The following ZNF516 variants were observed in gnomAD, a reference collection of about 807,000 sequenced individuals.
The protein encoded by ZNF516 is zinc finger protein 516.
Under a neutral mutation model 79.7 loss-of-function variants are expected in ZNF516, and 19 were observed. That is an observed-to-expected ratio of 0.24 (90% CI 0.17 to 0.35). The LOEUF is 0.35. Ranked by LOEUF, ZNF516 falls within the 10% of genes least tolerant of loss-of-function variation. ZNF516 has a pLI of 1.00. For synonymous variants in ZNF516, 877 were observed against 739.5 expected (o/e 1.19, Z -3.02); for missense variants, 1,678 against 1,679.5 (o/e 1.00, Z 0.02).
At chr18:76,429,010 G>A (rs978642972) in intron 3 of ZNF516, among the ~76,000 whole-genome samples, 2 of 152,256 alleles carry the variant, frequency 1.3e-5, no homozygotes, top group Non-Finnish European at 2.9e-5. Context: ...GCAGGGCAGG[G>A]AGGTCAGCAC....
Position 76,442,580 on chromosome 18 carries a change from C to G in ZNF516, c.475G>C (p.Gly159Arg), listed in dbSNP as rs572758212. 60 of 1,598,410 alleles carry G rather than the reference C, an allele frequency of 3.8e-5. No homozygotes were observed. Among genetic ancestry groups the G allele is most frequent in the South Asian group, 2.1e-4 (19 of 91,032 alleles). The change falls in exon 3 of 7, where the codon GGG (glycine) becomes CGG (arginine). Residue 159 changes from glycine to arginine, a missense_variant. By Grantham distance (125) the Gly-to-Arg change is moderately radical. Around this residue, in one of 5 missense-constraint regions of ZNF516, gnomAD observed 279 missense variants for 254.1 expected, o/e 1.10. Transcript: ENST00000443185. ...GRVLLRSSKK[G>R]AEGSACAPGE... ...GGGGCGCATGCGGACCCCTCTGCCC[C>G]CTTCTTGCTGCTCCGCAGCAGGACT...
In ZNF516 at chr18:76,467,042, C is replaced by T. The variant is rs968272439; in HGVS notation, c.-271-3901G>A. Among the ~76,000 whole-genome samples, 2 of 152,266 alleles carry T rather than the reference C, an allele frequency of 1.3e-5. No individual in the cohort carries two copies. Among genetic ancestry groups the T allele is most frequent in the East Asian group, 1.9e-4 (1 of 5,166 alleles). On this transcript the variant is annotated intron_variant, in intron 1 of 6. Transcript: ENST00000443185. The surrounding 1 kb of genome is among the most constrained non-coding windows in gnomAD (Gnocchi z 4.2). The stretch of plus-strand genomic sequence containing the variant: ...AGAGGCAAAACCCAGGAGACGCTGG[C>T]CTCTGGGAAGTAAAATCAGGCAGAG...
At chr18:76,461,184 A>AAAAT (rs930242113) in intron 2 of ZNF516, among the ~76,000 whole-genome samples, 3 of 152,196 alleles carry the variant, frequency 2.0e-5, no homozygotes, top group African/African-American at 4.8e-5. Flanking sequence ...TCCATCTCAA[A>AAAAT]AAATAAATAA....
At chr18:76,365,932 G>A (rs2074605966) in intron 6 of ZNF516, among the ~76,000 whole-genome samples, 1 of 152,150 alleles carries the variant, frequency 6.6e-6, no homozygotes, top group African/African-American at 2.4e-5. Flanking sequence ...CAAGGCTCCA[G>A]GCATCCTTTC....
chr18:76,372,643 A>G (rs938028539), intron 4 of ZNF516: 2 of 152,254 alleles, frequency 1.3e-5, no homozygotes, highest in African/African-American at 4.8e-5. Flanking sequence ...AGAGTAGCTC[A>G]ATAGGTAAAA....
At chr18:76,363,567 T>C (rs1449376202) in intron 6 of ZNF516, among the ~76,000 whole-genome samples, 1 of 152,086 alleles carries the variant, frequency 6.6e-6, no homozygotes, top group Non-Finnish European at 1.5e-5. Context: ...GTGGGCAAAG[T>C]GGTGGAGACA....
Position 76,487,588 on chromosome 18 carries a change from T to C in ZNF516, c.-272+7556A>G, listed in dbSNP as rs574113606. Reference sequence around the variant, plus strand: ...CCCATAAGGTTAATTTTATTAATTATTCATAAATGTAAACATTTGACATGA... The same window carrying C: ...CCCATAAGGTTAATTTTATTAATTACTCATAAATGTAAACATTTGACATGA... On this transcript the variant is annotated intron_variant, in intron 1 of 6. Transcript: ENST00000443185. Among the ~76,000 whole-genome samples the C allele has an allele frequency of 9.2e-5, 14 of 152,350 alleles. No homozygotes were observed. In the South Asian group the frequency reaches 2.3e-3, roughly 25 times the overall value.
intron 3 of ZNF516, among the ~76,000 whole-genome samples, chr18:76,423,973 G>GT (rs2075551484): frequency 8.1e-6 from 1 of 124,152 alleles, no homozygotes; most frequent in Non-Finnish European, 1.6e-5. Context: ...AGGTGAAAAG[G>GT]CTCCCCCGAA....
In ZNF516 at chr18:76,360,646, A is replaced by AAAAAAAAAAAATAT. The variant is rs373540251; in HGVS notation, c.*1851_*1852insATATTTTTTTTTTT. On this transcript the variant is annotated 3_prime_UTR_variant, in exon 7 of 7. Coordinates refer to ENST00000443185, the MANE Select transcript of ZNF516 (RefSeq NM_014643.4). ...AAAAAAATAAGTAAAAAAAAAAAAA[A>AAAAAAAAAAAATAT]ATATATATATATATATATATATATA... 5.5e-5 allele frequency: 4 copies of AAAAAAAAAAAATAT among 72,490 alleles called. No homozygotes were observed. Among genetic ancestry groups the AAAAAAAAAAAATAT allele is most frequent in the Non-Finnish European group, 8.1e-5 (3 of 36,934 alleles). The allele number at this position is 72,490 out of a possible 1,614,324, so 4.5% of individuals were successfully genotyped here.
intron 6 of ZNF516, among the ~76,000 whole-genome samples, chr18:76,367,736 C>T (rs2074638482): frequency 6.6e-6 from 1 of 152,224 alleles, no homozygotes; most frequent in Admixed American, 6.5e-5. Flanking sequence ...ACCTTTTGAA[C>T]CAGAGAAGCA....
At position 76,358,461 on chromosome 18, in the gene ZNF516, G is replaced by A. The variant is rs981323371; in HGVS notation, c.*4037C>T. 1.3e-5 allele frequency: 2 copies of A among 152,154 alleles called. No homozygotes were observed. Among genetic ancestry groups the A allele is most frequent in the Non-Finnish European group, 1.5e-5 (1 of 68,040 alleles). The allele number at this position is 152,154 out of a possible 1,614,324, so 9.4% of individuals were successfully genotyped here. On this transcript the variant is annotated 3_prime_UTR_variant, in exon 7 of 7. Coordinates refer to ENST00000443185, the MANE Select transcript of ZNF516 (RefSeq NM_014643.4). Reference sequence around the variant, plus strand: ...GATGAAGAATGAACATTTTCCCTTGGGCGGGTGGCCCTTGGTCACTCCCAC... The same window carrying A: ...GATGAAGAATGAACATTTTCCCTTGAGCGGGTGGCCCTTGGTCACTCCCAC...
chr18:76,372,830 A>T (rs534010101), intron 4 of ZNF516: 3 of 152,388 alleles, frequency 2.0e-5, no homozygotes, highest in South Asian at 4.1e-4. Context: ...CAAAAGGAAT[A>T]AGAAGAAACA....
intron 3 of ZNF516, among the ~76,000 whole-genome samples, chr18:76,415,943 A>G (rs147644291): frequency 6.6e-6 from 1 of 152,324 alleles, no homozygotes; most frequent in East Asian, 1.9e-4. Flanking sequence ...CAATTACCTC[A>G]GTTTGCAAAT....
intron 1 of ZNF516, 83 bp from the exon 2 acceptor site, chr18:76,463,224 A>G (rs899388980): frequency 4.6e-5 from 7 of 152,242 alleles, no homozygotes; most frequent in African/African-American, 1.4e-4. Flanking sequence ...AAAAATTAAA[A>G]CAATGCCCAA....
At chr18:76,411,195 C>A (rs1459915739) in intron 3 of ZNF516, among the ~76,000 whole-genome samples, 1 of 152,206 alleles carries the variant, frequency 6.6e-6, no homozygotes, top group Admixed American at 6.5e-5. Flanking sequence ...TGGCCAGGGG[C>A]TACTCACGAA....
At chr18:76,482,466 C>T (rs1914580115) in intron 1 of ZNF516, among the ~76,000 whole-genome samples, 1 of 152,222 alleles carries the variant, frequency 6.6e-6, no homozygotes, top group African/African-American at 2.4e-5. Flanking sequence ...GGCAGCCCCG[C>T]GATCTCCAGG....
In ZNF516 at chr18:76,371,587, GGT is replaced by G. The variant is rs565147243; in HGVS notation, c.3260-18_3260-17del. The G allele has an allele frequency of 1.0e-3, 1,648 of 1,604,622 alleles. 1 individual carries two copies. Among genetic ancestry groups the G allele is most frequent in the Non-Finnish European group, 1.3e-3 (1,507 of 1,177,652 alleles). The stretch of plus-strand genomic sequence containing the variant: ...CGGAGTGTCCCTGCGGTGGCGAGGT[GGT>G]GGTGGTGGCAGGGCCGTGGTGGGGT... On this transcript the variant is annotated splice_polypyrimidine_tract_variant and intron_variant, in intron 4 of 6. Coordinates refer to ENST00000443185, the MANE Select transcript of ZNF516 (RefSeq NM_014643.4).
At chr18:76,477,594 C>A (rs960752520) in intron 1 of ZNF516, among the ~76,000 whole-genome samples, 2 of 152,172 alleles carry the variant, frequency 1.3e-5, no homozygotes, top group African/African-American at 4.8e-5. Flanking sequence ...AATACACCAA[C>A]AAAATGTGAT....
chr18:76,441,097 G>C (rs1816359690), intron 3 of ZNF516, 148 bp downstream of exon 3: 1 of 1,236,716 alleles, frequency 8.1e-7, no homozygotes, highest in Non-Finnish European at 1.1e-6. Context: ...CTGAGTCCCA[G>C]GGTTACCTGA....
Sources: allele counts gnomAD v4.1 joint callset (sites outside exome capture counted in the v4.1 genomes callset), GRCh38; gene constraint gnomAD v4.1.1; regional missense constraint gnomAD v4.1.1; non-coding constraint Gnocchi (gnomAD v3.1); transcripts MANE v1.5; gene names NCBI Gene and HGNC (gene_info 2026-07-23, HGNC 2026-07-21).